Variants in GOLGA5 observed in about 807,000 individuals in gnomAD.
GOLGA5 encodes the protein golgin A5, also known as golgin subfamily A member 5.
GOLGA5 carries 50 observed loss-of-function variants against 93.5 expected under a neutral mutation model. The ratio of observed to expected loss-of-function variants is 0.53; its 90% CI spans 0.43 to 0.68. GOLGA5 has a LOEUF of 0.68. Among genes scored for constraint, GOLGA5 ranks in the 30% least tolerant of loss-of-function variants. The pLI, the probability that GOLGA5 is intolerant of heterozygous loss-of-function variation, is 0.00. For missense variants in GOLGA5, 760 were observed against 856.4 expected, an observed-to-expected ratio of 0.89 and a Z score of 1.40; for synonymous variants, 312 against 304.5, an observed-to-expected ratio of 1.02 and a Z score of -0.26.
intron 12 of GOLGA5, among the ~76,000 whole-genome samples, chr14:92,837,853 C>T (rs746462168): frequency 1.7e-4 from 26 of 152,276 alleles, no homozygotes; most frequent in Admixed American, 1.3e-3. Context: ...AATGCGCCAA[C>T]GCACCCAGCC....
At chr14:92,824,401 A>C (rs1357574904) in intron 8 of GOLGA5, 145 bp from the exon 9 acceptor site, 1 of 507,968 alleles carries the variant, frequency 2.0e-6, no homozygotes, top group African/African-American at 2.0e-5. Context: ...TATATAATAC[A>C]CTCTGTTATA....
rs889503340 is a variant in GOLGA5, at chr14:92,837,253, G to C, written c.2052-133G>C. ...CATTTAACAGTCTGCTATAAAAATT[G>C]TTCTTCTGTGGTAGCCACATAAATA... is the stretch of plus-strand genomic sequence containing the variant. On this transcript the variant is annotated intron_variant, in intron 11 of 12. Transcript: ENST00000163416. 5 of 544,308 alleles carry C rather than the reference G, an allele frequency of 9.2e-6. No homozygotes were observed. The African/African-American group carries it at 9.7e-5, about 11-fold the overall frequency. 33.7% of individuals were successfully genotyped at this position (544,308 alleles called of 1,614,324 possible). A position where few individuals can be genotyped will look rare whatever the true frequency, so the allele number is the denominator to read the frequency against.
intron 6 of GOLGA5, among the ~76,000 whole-genome samples, chr14:92,814,063 A>G (rs748489833): frequency 6.6e-6 from 1 of 152,156 alleles, no homozygotes; most frequent in Non-Finnish European, 1.5e-5. Flanking sequence ...AAAGGAGAGT[A>G]TGACGAATTA....
At chr14:92,822,822 A>G (rs1476470038) in intron 8 of GOLGA5, among the ~76,000 whole-genome samples, 3 of 151,928 alleles carry the variant, frequency 2.0e-5, no homozygotes, top group Admixed American at 6.6e-5. Flanking sequence ...ATGGCTGGCT[A>G]ATTTTTGTAT....
chr14:92,798,218 A>G (rs1884781281), intron 2 of GOLGA5, among the ~76,000 whole-genome samples: 1 of 152,220 alleles, frequency 6.6e-6, no homozygotes, highest in Non-Finnish European at 1.5e-5. Flanking sequence ...TCAGCATCTA[A>G]CAAAGTATTT....
intron 8 of GOLGA5, among the ~76,000 whole-genome samples, chr14:92,823,579 T>A (rs1462773445): frequency 6.6e-6 from 1 of 151,810 alleles, no homozygotes; most frequent in Non-Finnish European, 1.5e-5. Flanking sequence ...CGAGCCTGGC[T>A]AATTTTTTTA....
intron 6 of GOLGA5, 86 bp from the exon 7 acceptor site, chr14:92,816,164 TA>T: frequency 1.2e-6 from 1 of 855,226 alleles, no homozygotes; most frequent in Admixed American, 2.3e-5. Context: ...GAATTTTTTT[TA>T]GTGGGTTATT....
intron 1 of GOLGA5, among the ~76,000 whole-genome samples, 194 bp downstream of exon 1, chr14:92,794,650 C>T (rs1268598750): frequency 6.6e-6 from 1 of 152,240 alleles, no homozygotes; most frequent in African/African-American, 2.4e-5. Flanking sequence ...TACTGCCCTC[C>T]TCTGTCTTCC....
chr14:92,809,295 A>G lies in GOLGA5; in HGVS notation c.773-5A>G, dbSNP rs141979189. The G allele has an allele frequency of 6.3e-7, 1 of 1,588,306 alleles. No individual in the cohort carries two copies. Among genetic ancestry groups the G allele is most frequent in the East Asian group, 2.2e-5 (1 of 44,742 alleles). ...TTGTATAGAGAAATTTAAATTTTTT[A>G]ATAGAATTAAACAAAGCAAGAGCAA... is the stretch of plus-strand genomic sequence containing the variant. On this transcript the variant is annotated splice_polypyrimidine_tract_variant and splice_region_variant and intron_variant, in intron 3 of 12. Transcript: ENST00000163416.
intron 9 of GOLGA5, 63 bp from the exon 10 acceptor site, chr14:92,833,059 G>T: frequency 1.1e-6 from 1 of 885,890 alleles, no homozygotes. Flanking sequence ...ATGTAGTAGT[G>T]TGATTTCTGT....
chr14:92,803,381 T>G (rs976465936), intron 2 of GOLGA5, among the ~76,000 whole-genome samples: 2 of 152,206 alleles, frequency 1.3e-5, no homozygotes, highest in Non-Finnish European at 2.9e-5. Context: ...TATTGTTAGG[T>G]TTTAGTATTA....
At chr14:92,819,497 G>A (rs1423205453) in intron 7 of GOLGA5, among the ~76,000 whole-genome samples, 1 of 151,478 alleles carries the variant, frequency 6.6e-6, no homozygotes, top group Non-Finnish European at 1.5e-5. Context: ...GCCAGGCCTC[G>A]TGGCATGTGC....
At chr14:92,822,475 G>A (rs1271329853) in intron 8 of GOLGA5, among the ~76,000 whole-genome samples, 1 of 152,194 alleles carries the variant, frequency 6.6e-6, no homozygotes, top group Non-Finnish European at 1.5e-5. Context: ...TAGATTCTGA[G>A]CTGTCTCTGA....
intron 1 of GOLGA5, among the ~76,000 whole-genome samples, chr14:92,794,779 C>G (rs894846647): frequency 1.3e-5 from 2 of 152,210 alleles, no homozygotes; most frequent in African/African-American, 4.8e-5. Flanking sequence ...GACCCCAGGG[C>G]TCTACGGACT....
intron 7 of GOLGA5, among the ~76,000 whole-genome samples, 159 bp from the exon 8 acceptor site, chr14:92,819,549 C>T (rs144260082): frequency 3.2e-3 from 485 of 152,184 alleles, no homozygotes; most frequent in Middle Eastern, 0.014. Flanking sequence ...GGAGGATCCC[C>T]TTGAGCCCAG....
chr14:92,797,905 A>G lies in GOLGA5; in HGVS notation c.468A>G (p.Ser156=). The G allele has an allele frequency of 6.2e-7, 1 of 1,613,018 alleles. No individual in the cohort carries two copies. The highest frequency in any genetic ancestry group is 1.7e-5 in the Admixed American group (1 of 59,746). ...KTPVFQSSQT[S]SVSSVNPSVT... ...CTGTCTTTCAGAGCTCTCAGACATCAAGTGTCAGTTCTGTGAACCCCAGTG... is the reference window on the plus strand; with the variant it reads ...CTGTCTTTCAGAGCTCTCAGACATCGAGTGTCAGTTCTGTGAACCCCAGTG... Residue 156 remains serine (S), a synonymous_variant, in exon 2 of 13, where the codon TCA becomes TCG. Transcript: ENST00000163416.
chr14:92,796,484 T>G (rs893897749), intron 1 of GOLGA5, among the ~76,000 whole-genome samples: 4 of 152,200 alleles, frequency 2.6e-5, no homozygotes, highest in Non-Finnish European at 5.9e-5. Context: ...TGCCTGTTTG[T>G]GTTGAAATTT....
chr14:92,831,053 G>C (rs1885521153), intron 9 of GOLGA5, among the ~76,000 whole-genome samples: 1 of 152,156 alleles, frequency 6.6e-6, no homozygotes, highest in Non-Finnish European at 1.5e-5. Context: ...GGTGCTCAGA[G>C]TCATCACTAA....
In GOLGA5 at chr14:92,839,723, T is replaced by C. The variant is rs755867017; in HGVS notation, c.*277T>C. On this transcript the variant is annotated 3_prime_UTR_variant, in exon 13 of 13. Transcript: ENST00000163416. ...TATGTAGAGAAAGATGGTGGGGTTGTTCACCTCTGTACAGACCATCTGTAT... is the reference window on the plus strand; with the variant it reads ...TATGTAGAGAAAGATGGTGGGGTTGCTCACCTCTGTACAGACCATCTGTAT... 6.1e-6 allele frequency: 3 copies of C among 493,676 alleles called. No homozygotes were observed. Among genetic ancestry groups the C allele is most frequent in the Non-Finnish European group, 1.1e-5 (3 of 276,432 alleles). The allele number at this position is 493,676 out of a possible 1,614,324, so 30.6% of individuals were successfully genotyped here.
Sources: gnomAD v4.1 joint callset for allele counts (sites outside exome capture counted in the v4.1 genomes callset) on GRCh38, gnomAD v4.1.1 for gene constraint, MANE v1.5 for transcripts, NCBI Gene and HGNC (gene_info 2026-07-23, HGNC 2026-07-21) for gene names.